TTC28: variants seen among roughly 807,000 people sequenced by gnomAD.
TTC28 encodes tetratricopeptide repeat domain 28.
In TTC28, 61 loss-of-function variants were observed where a neutral mutation model predicts 198.0. That is an observed-to-expected ratio of 0.31 (90% CI 0.25 to 0.38). The LOEUF is 0.38. Ranked by LOEUF, TTC28 falls within the 10% of genes least tolerant of loss-of-function variation. The pLI, the probability that TTC28 is intolerant of heterozygous loss-of-function variation, is 1.00. For synonymous variants in TTC28, 1,171 were observed against 1,297.8 expected (o/e 0.90, Z 2.10); for missense variants, 2,678 against 3,164.0 (o/e 0.85, Z 3.69).
intron 2 of TTC28, among the ~76,000 whole-genome samples, chr22:28,375,713 G>C (rs2046398808): frequency 1.3e-5 from 2 of 152,218 alleles, no homozygotes; most frequent in Non-Finnish European, 2.9e-5. Flanking sequence ...TGTTTCCAGA[G>C]AATATTGGCA....
intron 2 of TTC28, among the ~76,000 whole-genome samples, chr22:28,603,098 C>G (rs956381023): frequency 1.3e-5 from 2 of 152,062 alleles, no homozygotes; most frequent in African/African-American, 2.4e-5. Context: ...CCAGGATGAT[C>G]TCAATCTCTT....
At chr22:28,057,216 T>C (rs1460209157) in intron 12 of TTC28, among the ~76,000 whole-genome samples, 1 of 152,210 alleles carries the variant, frequency 6.6e-6, no homozygotes, top group Non-Finnish European at 1.5e-5. Context: ...GTTCAAACTT[T>C]TTCCAGAGTT....
chr22:28,598,301 G>A (rs570461484), intron 2 of TTC28, among the ~76,000 whole-genome samples: 1 of 151,786 alleles, frequency 6.6e-6, no homozygotes, highest in African/African-American at 2.4e-5. Context: ...ACCAGGTCAG[G>A]AGTTCGAGAC....
At chr22:28,153,516 GAGA>G (rs1469527487) in intron 6 of TTC28, among the ~76,000 whole-genome samples, 2 of 148,974 alleles carry the variant, frequency 1.3e-5, no homozygotes, top group Admixed American at 6.7e-5. Flanking sequence ...CATAGGTTTT[GAGA>G]AGAATTAAAT....
chr22:28,019,004 CA>C (rs746609045), intron 13 of TTC28, among the ~76,000 whole-genome samples: 9 of 152,306 alleles, frequency 5.9e-5, no homozygotes, highest in South Asian at 2.1e-4. Flanking sequence ...CAACCAATTG[CA>C]ACTGTCTTAC....
intron 6 of TTC28, among the ~76,000 whole-genome samples, chr22:28,113,233 T>C (rs1454858866): frequency 6.6e-6 from 1 of 152,202 alleles, no homozygotes; most frequent in African/African-American, 2.4e-5. Context: ...CCACAAACAA[T>C]GGAAGTGGTC....
intron 5 of TTC28, among the ~76,000 whole-genome samples, chr22:28,269,923 A>C (rs987093407): frequency 6.6e-6 from 1 of 152,244 alleles, no homozygotes; most frequent in Non-Finnish European, 1.5e-5. Context: ...ACAATGATAA[A>C]GATGAAAACA....
intron 2 of TTC28, among the ~76,000 whole-genome samples, chr22:28,464,245 G>C (rs1216804938): frequency 2.0e-5 from 3 of 152,138 alleles, no homozygotes; most frequent in Admixed American, 1.3e-4. Flanking sequence ...CTGGAGAAAA[G>C]GGAAAGAAGG....
At chr22:28,077,414 C>T (rs762774503) in intron 12 of TTC28, among the ~76,000 whole-genome samples, 5 of 152,168 alleles carry the variant, frequency 3.3e-5, no homozygotes, top group Non-Finnish European at 5.9e-5. Flanking sequence ...CTTCAACCTC[C>T]TAAAGTGCTA....
intron 2 of TTC28, among the ~76,000 whole-genome samples, chr22:28,475,755 A>C (rs1191261691): frequency 6.6e-6 from 1 of 152,238 alleles, no homozygotes. Flanking sequence ...CAAGTTTATA[A>C]ATGCCACAGT....
In TTC28 at chr22:28,617,315, C is replaced by G. The variant is rs527374538; in HGVS notation, c.381+12237G>C. Among the ~76,000 whole-genome samples, 4 of 141,858 alleles carry G rather than the reference C, an allele frequency of 2.8e-5. No individual in the cohort carries two copies. The South Asian group carries it at 9.3e-4, about 33-fold the overall frequency. The allele number at this position is 141,858 out of a possible 152,430, so 93.1% of individuals were successfully genotyped here. ...CCAGTGTTCAAGACCATGGGTAACA[C>G]AGGGAGAACTTTTTTTGAAAAAAAA... On this transcript the variant is annotated intron_variant, in intron 2 of 22. Transcript: ENST00000397906.
rs146047531 is a variant in TTC28 at position 28,200,734 on chromosome 22, A to G, written c.934-37135T>C. Among the ~76,000 whole-genome samples, 10 of 152,264 alleles carry G rather than the reference A, an allele frequency of 6.6e-5. No homozygotes were observed. In the East Asian group the frequency reaches 1.7e-3, roughly 26 times the overall value. On this transcript the variant is annotated intron_variant, in intron 5 of 22. Transcript: ENST00000397906. The stretch of plus-strand genomic sequence containing the variant: ...CTTCTCCAACTAGCAATTAAGGAGC[A>G]GAATGGACAGAATGTCAAGTTGGGA...
At chr22:28,164,270 C>T (rs1921610875) in intron 5 of TTC28, among the ~76,000 whole-genome samples, 1 of 152,124 alleles carries the variant, frequency 6.6e-6, no homozygotes, top group Non-Finnish European at 1.5e-5. Flanking sequence ...CTTAAATGTC[C>T]CTGTCTGACA....
chr22:28,115,793 G>T (rs1344159347), intron 6 of TTC28, among the ~76,000 whole-genome samples: 1 of 152,166 alleles, frequency 6.6e-6, no homozygotes, highest in Non-Finnish European at 1.5e-5. Flanking sequence ...CAGCAGTTTA[G>T]GATGTCTTCA....
At chr22:28,057,017 A>G (rs1219530261) in intron 12 of TTC28, among the ~76,000 whole-genome samples, 2 of 152,222 alleles carry the variant, frequency 1.3e-5, no homozygotes, top group Non-Finnish European at 2.9e-5. Context: ...GTATAACCAT[A>G]GCACAGATGA....
intron 5 of TTC28, among the ~76,000 whole-genome samples, chr22:28,191,487 G>A (rs568524084): frequency 9.8e-5 from 15 of 152,356 alleles, no homozygotes; most frequent in African/African-American, 2.4e-4. Flanking sequence ...GAGGCAGGGC[G>A]AGGCATCGCC....
chr22:28,345,012 C>T (rs1004155492), intron 2 of TTC28, among the ~76,000 whole-genome samples: 3 of 152,186 alleles, frequency 2.0e-5, no homozygotes, highest in African/African-American at 7.2e-5. Context: ...ACATCACACA[C>T]ATTTCTTAAG....
chr22:28,434,499 C>A (rs1444048103), intron 2 of TTC28, among the ~76,000 whole-genome samples: 12 of 152,102 alleles, frequency 7.9e-5, no homozygotes, highest in Non-Finnish European at 1.5e-4. Context: ...GCCTAACCAA[C>A]AAGGTGAAAC....
chr22:28,298,469 G>A (rs117058785), intron 3 of TTC28, among the ~76,000 whole-genome samples: 2 of 152,196 alleles, frequency 1.3e-5, no homozygotes, highest in Non-Finnish European at 2.9e-5. Context: ...GTTTGTTTGT[G>A]ACAGGTCTTG....
Sources: gnomAD v4.1 joint callset for allele counts (sites outside exome capture counted in the v4.1 genomes callset) on GRCh38, gnomAD v4.1.1 for gene constraint, MANE v1.5 for transcripts, NCBI Gene and HGNC (gene_info 2026-07-23, HGNC 2026-07-21) for gene names.